ARHGAP35: variants seen among roughly 807,000 people sequenced by gnomAD.
ARHGAP35 encodes the protein Rho GTPase activating protein 35.
Under a neutral mutation model 111.1 loss-of-function variants are expected in ARHGAP35, and 15 were observed. The ratio of observed to expected loss-of-function variants is 0.13; its 90% CI spans 0.09 to 0.21. The LOEUF is 0.21. Ranked by LOEUF, ARHGAP35 falls within the 10% of genes least tolerant of loss-of-function variation. ARHGAP35 has a pLI of 1.00. For missense variants in ARHGAP35, 1,262 were observed against 1,873.0 expected (o/e 0.67, Z 6.02); for synonymous variants, 643 against 710.3 (o/e 0.91, Z 1.51).
At chr19:46,928,377 G>A (rs1258308356) in intron 2 of ARHGAP35, among the ~76,000 whole-genome samples, 1 of 152,168 alleles carries the variant, frequency 6.6e-6, no homozygotes, top group East Asian at 1.9e-4. Context: ...GCTCTAGTCA[G>A]GAATCACCTT....
intron 1 of ARHGAP35, among the ~76,000 whole-genome samples, 54 bp downstream of exon 1, chr19:46,861,263 G>C (rs1247944048): frequency 6.6e-6 from 1 of 151,214 alleles, no homozygotes; most frequent in Admixed American, 6.6e-5. Context: ...CCGCCCCGCT[G>C]CGGGGTCCAG....
At chr19:46,979,416 C>T (rs1283935568) in intron 3 of ARHGAP35, among the ~76,000 whole-genome samples, 1 of 152,178 alleles carries the variant, frequency 6.6e-6, no homozygotes, top group Non-Finnish European at 1.5e-5. Context: ...CCAGAATGGG[C>T]AGGGTGTCAG....
intron 1 of ARHGAP35, among the ~76,000 whole-genome samples, chr19:46,868,339 C>T (rs573753788): frequency 6.6e-6 from 1 of 152,264 alleles, no homozygotes; most frequent in East Asian, 1.9e-4. Context: ...AAGCATAGTT[C>T]ATCACCTTAA....
rs759924252 is a variant in ARHGAP35 at position 46,922,074 on chromosome 19, T to C, written c.3399T>C (p.Gly1133=). 3.7e-6 allele frequency: 6 copies of C among 1,613,888 alleles called. No homozygotes were observed. Among genetic ancestry groups the C allele is most frequent in the Non-Finnish European group, 4.2e-6 (5 of 1,179,894 alleles). The part of the protein sequence containing the change: ...NKAQSNGSGN[G]SDSEMDTSSL... ...CCCAGTCCAACGGCAGCGGGAATGGTTCTGACAGTGAAATGGACACCAGCT... is the reference window on the plus strand; with the variant it reads ...CCCAGTCCAACGGCAGCGGGAATGGCTCTGACAGTGAAATGGACACCAGCT... Residue 1133 remains glycine (G), a synonymous_variant, in exon 2 of 7, where the codon GGT becomes GGC. Coordinates refer to ENST00000672722, the MANE Select transcript of ARHGAP35 (RefSeq NM_004491.5). This position sits in a 1 kb window ranked among gnomAD's most constrained non-coding sequence, Gnocchi z 4.0.
At chr19:46,864,514 T>G (rs185924859) in intron 1 of ARHGAP35, among the ~76,000 whole-genome samples, 48 of 152,386 alleles carry the variant, frequency 3.1e-4, no homozygotes, top group Admixed American at 2.2e-3. Context: ...TTGTTTATTT[T>G]AGTACTTATT....
intron 1 of ARHGAP35, among the ~76,000 whole-genome samples, chr19:46,887,571 C>T (rs919682713): frequency 6.6e-6 from 1 of 151,986 alleles, no homozygotes; most frequent in Admixed American, 6.6e-5. Context: ...GTGACTTCAC[C>T]AAGGGAGTGT....
intron 1 of ARHGAP35, among the ~76,000 whole-genome samples, chr19:46,863,052 CT>C (rs75493734): frequency 0.011 from 1,606 of 144,186 alleles, 22 homozygotes; most frequent in African/African-American, 0.034. Context: ...CCTTCCTCAC[CT>C]TTTTTTTTTT....
rs143468752 is a variant in ARHGAP35, at chr19:46,993,257, G to A, written c.4036+3582G>A. On this transcript the variant is annotated intron_variant, in intron 5 of 6. Transcript: ENST00000672722. The surrounding 1 kb of genome is among the most constrained non-coding windows in gnomAD (Gnocchi z 4.6). ...GAGAGCCGACGCCGGACGAGCCTGC[G>A]TGATCACTGAAGGGCTGTGACCTTG... 3.9e-5 allele frequency among the ~76,000 whole-genome samples: 6 copies of A among 152,362 alleles called. No homozygotes were observed. Among genetic ancestry groups the A allele is most frequent in the African/African-American group, 9.6e-5 (4 of 41,600 alleles).
chr19:46,909,407 TC>T (rs1345742209), intron 1 of ARHGAP35, among the ~76,000 whole-genome samples: 1 of 152,230 alleles, frequency 6.6e-6, no homozygotes, highest in Admixed American at 6.5e-5. Flanking sequence ...CCTTTGGTCT[TC>T]TGGAGTGTGC....
Position 46,969,336 on chromosome 19 carries a change from T to C in ARHGAP35, c.3827-18653T>C, listed in dbSNP as rs115078234. Among the ~76,000 whole-genome samples the C allele has an allele frequency of 8.2e-3, 1,245 of 152,264 alleles. 14 individuals are homozygous for C. Among genetic ancestry groups the C allele is most frequent in the African/African-American group, 0.029 (1,199 of 41,540 alleles). ...AATAATAATCATAATAAACGGAGGA[T>C]AGGTGGATAGATGTTTTACTCCAGG... On this transcript the variant is annotated intron_variant, in intron 3 of 6. Transcript: ENST00000672722.
chr19:46,928,648 TGCGCTGGGC>T (rs750237057), intron 2 of ARHGAP35, among the ~76,000 whole-genome samples: 2 of 152,102 alleles, frequency 1.3e-5, no homozygotes, highest in African/African-American at 2.4e-5. Context: ...AGCTATGGTC[TGCGCTGGGC>T]GCGGTGGGTC....
intron 1 of ARHGAP35, among the ~76,000 whole-genome samples, chr19:46,865,667 A>C (rs1204372955): frequency 7.9e-5 from 12 of 152,108 alleles, no homozygotes; most frequent in Admixed American, 7.9e-4. Context: ...ATATAGTTGG[A>C]GATTGAAAAG....
In ARHGAP35 at chr19:46,999,547, C is replaced by G; in HGVS notation, c.4142+138C>G. 1.6e-6 allele frequency: 1 copy of G among 625,652 alleles called. No homozygotes were observed. The highest frequency in any genetic ancestry group is 2.8e-6 in the Non-Finnish European group (1 of 358,424). The allele number at this position is 625,652 out of a possible 1,614,324, so 38.8% of individuals were successfully genotyped here. A position where few individuals can be genotyped will look rare whatever the true frequency, so the allele number is the denominator to read the frequency against. On this transcript the variant is annotated intron_variant, in intron 6 of 6. Transcript: ENST00000672722. This position sits in a 1 kb window ranked among gnomAD's most constrained non-coding sequence, Gnocchi z 5.4. ...CTGGAAGGGGTGCTGGCTGGCCTCC[C>G]ATGGTGCCCGCTGGTCTCGGTGCCC...
At chr19:46,983,256 GACTC>G (rs1167427554) in intron 3 of ARHGAP35, among the ~76,000 whole-genome samples, 2 of 152,062 alleles carry the variant, frequency 1.3e-5, no homozygotes, top group East Asian at 3.9e-4. Flanking sequence ...CCATCTGTGC[GACTC>G]ACTCATTCTC....
At chr19:46,861,327 G>C (rs2055825154) in intron 1 of ARHGAP35, among the ~76,000 whole-genome samples, 118 bp downstream of exon 1, 2 of 150,672 alleles carry the variant, frequency 1.3e-5, no homozygotes, top group Admixed American at 6.6e-5. Flanking sequence ...GGAGCTGGAG[G>C]GGGAGGGGAG....
chr19:46,887,011 G>A (rs2055996200), intron 1 of ARHGAP35, among the ~76,000 whole-genome samples: 2 of 152,160 alleles, frequency 1.3e-5, no homozygotes, highest in South Asian at 4.1e-4. Context: ...CTCTTTGATA[G>A]TGGAAGCAGC....
chr19:46,984,827 G>T (rs542321976), intron 3 of ARHGAP35, among the ~76,000 whole-genome samples: 1 of 152,318 alleles, frequency 6.6e-6, no homozygotes, highest in Non-Finnish European at 1.5e-5. Flanking sequence ...CTAATTTGCA[G>T]TTCGTCTCCT....
intron 1 of ARHGAP35, among the ~76,000 whole-genome samples, chr19:46,902,234 A>G (rs943427015): frequency 6.6e-6 from 1 of 152,220 alleles, no homozygotes; most frequent in Middle Eastern, 3.2e-3. Context: ...AAAGTAGTAG[A>G]GGCAGCCTTT....
intron 3 of ARHGAP35, among the ~76,000 whole-genome samples, chr19:46,957,271 T>C (rs370295313): frequency 1.8e-4 from 27 of 151,978 alleles, no homozygotes; most frequent in African/African-American, 6.3e-4. Flanking sequence ...AAAGCAGACT[T>C]TCTAACACTG....
Sources: gnomAD v4.1 joint callset for allele counts (sites outside exome capture counted in the v4.1 genomes callset) on GRCh38, gnomAD v4.1.1 for gene constraint, Gnocchi (gnomAD v3.1) non-coding constraint, MANE v1.5 for transcripts, NCBI Gene and HGNC (gene_info 2026-07-23, HGNC 2026-07-21) for gene names.